Variants in UGT1A7 observed in about 807,000 individuals in gnomAD.
UGT1A7 encodes the protein UDP glucuronosyltransferase family 1 member A7.
In UGT1A7, 33 loss-of-function variants were observed where a neutral mutation model predicts 45.6. The ratio of observed to expected loss-of-function variants is 0.72; its 90% CI spans 0.55 to 0.97. The LOEUF (loss-of-function observed/expected upper bound fraction) is 0.97, where lower values mean the gene tolerates loss of function less well. Ranked by LOEUF, UGT1A7 falls within the 50% of genes least tolerant of loss-of-function variation. The pLI is 0.00. For synonymous variants in UGT1A7, 274 were observed against 250.6 expected, an observed-to-expected ratio of 1.09 and a Z score of -0.88; for missense variants, 684 against 666.2, an observed-to-expected ratio of 1.03 and a Z score of -0.29.
chr2:233,713,117 CA>C (rs1395487296), intron 1 of UGT1A7: 4 of 1,614,102 alleles, frequency 2.5e-6, no homozygotes, highest in Non-Finnish European at 3.4e-6. Context: ...GCCACTGGCT[CA>C]GCATGCGGGA....
chr2:233,739,861 AT>A (rs1559383666), intron 1 of UGT1A7, among the ~76,000 whole-genome samples: 1 of 151,974 alleles, frequency 6.6e-6, no homozygotes, highest in African/African-American at 2.4e-5. Context: ...AGAGGGCAGA[AT>A]GATATGATTT....
At chr2:233,712,897 T>C in intron 1 of UGT1A7, 1 of 1,607,966 alleles carries the variant, frequency 6.2e-7, no homozygotes, top group Non-Finnish European at 8.5e-7. Context: ...GTTGATTTGC[T>C]AGGTGTCTCA....
intron 1 of UGT1A7, chr2:233,729,592 C>A (rs1253832448): frequency 6.2e-7 from 1 of 1,613,966 alleles, no homozygotes; most frequent in African/African-American, 1.3e-5. Flanking sequence ...CCCCGTTAAC[C>A]TCTGCGCGGC....
chr2:233,758,976 C>A (rs1219647743), intron 1 of UGT1A7, among the ~76,000 whole-genome samples: 1 of 152,198 alleles, frequency 6.6e-6, no homozygotes, highest in Non-Finnish European at 1.5e-5. Flanking sequence ...TCCCCTGGAT[C>A]TTGGGCCAGT....
chr2:233,729,632 C>T, intron 1 of UGT1A7: 1 of 1,613,894 alleles, frequency 6.2e-7, no homozygotes, highest in Non-Finnish European at 8.5e-7. Flanking sequence ...TCGATTCCTA[C>T]TGTGTTTTTT....
chr2:233,768,895 A>G (rs962281870), intron 4 of UGT1A7, among the ~76,000 whole-genome samples: 6 of 152,074 alleles, frequency 3.9e-5, no homozygotes, highest in African/African-American at 1.4e-4. Context: ...GGATTTATAA[A>G]TAAGATAATT....
At chr2:233,757,676 T>G (rs986940319) in intron 1 of UGT1A7, among the ~76,000 whole-genome samples, 1 of 151,088 alleles carries the variant, frequency 6.6e-6, no homozygotes, top group African/African-American at 2.4e-5. Flanking sequence ...ATTCAAGGAA[T>G]TCAAGGGATT....
intron 1 of UGT1A7, chr2:233,747,421 AAC>A: frequency 1.9e-6 from 3 of 1,607,992 alleles, no homozygotes; most frequent in Non-Finnish European, 2.6e-6. Flanking sequence ...ATGCACATCA[AAC>A]AAGAGAAATT....
chr2:233,737,106 C>A (rs1413707543), intron 1 of UGT1A7, among the ~76,000 whole-genome samples: 1 of 152,198 alleles, frequency 6.6e-6, no homozygotes, highest in African/African-American at 2.4e-5. Flanking sequence ...TCTGCTGTTC[C>A]CCACATGTTC....
At position 233,757,547 on chromosome 2, in the gene UGT1A7, T is replaced by TAC. The variant is rs1452370067; in HGVS notation, c.856-9486_856-9485insCA. Among the ~76,000 whole-genome samples, 65 of 133,940 alleles carry TAC rather than the reference T, an allele frequency of 4.9e-4. 6 individuals carry two copies. The highest frequency in any genetic ancestry group is 6.5e-4 in the Admixed American group (9 of 13,854). The allele number at this position is 133,940 out of a possible 152,430, so 87.9% of individuals were successfully genotyped here. On this transcript the variant is annotated intron_variant, in intron 1 of 4. Coordinates refer to ENST00000373426, the MANE Select transcript of UGT1A7 (RefSeq NM_019077.3). Reference sequence around the variant, plus strand: ...CTTGCCTGTAAGGAATATATATATATATATATATATATATGTATATATGAT... The same window carrying TAC: ...CTTGCCTGTAAGGAATATATATATATACATATATATATATATGTATATATGAT...
chr2:233,682,762 C>A lies in UGT1A7; in HGVS notation c.825C>A (p.Ile275=), dbSNP rs760728918. ...CCAATATGATCTTCATTGGTGGTATCAACTGTCATCAGGGAAAGCCAGTGC... is the reference window on the plus strand; with the variant it reads ...CCAATATGATCTTCATTGGTGGTATAAACTGTCATCAGGGAAAGCCAGTGC... The part of the protein sequence containing the change: ...VMPNMIFIGG[I]NCHQGKPVPM... The change falls in exon 1 of 5, where the codon ATC becomes ATA. Residue 275 remains isoleucine, a synonymous_variant. Transcript: ENST00000373426. 1 of 1,613,690 alleles carries A rather than the reference C, an allele frequency of 6.2e-7. No individual in the cohort carries two copies. The highest frequency in any genetic ancestry group is 8.5e-7 in the Non-Finnish European group (1 of 1,179,660).
rs1170923656 is a variant in UGT1A7 at position 233,772,696 on chromosome 2, T to TA, written c.*143dup. The TA allele has an allele frequency of 2.8e-5, 41 of 1,482,484 alleles. No individual in the cohort carries two copies. The highest frequency in any genetic ancestry group is 3.6e-5 in the Non-Finnish European group (41 of 1,123,730). The allele number at this position is 1,482,484 out of a possible 1,614,324, so 91.8% of individuals were successfully genotyped here. ...TAAATTAATCAGCCCCAGAGTGCTT[T>TA]AAAAAATTCTCTTAAATAAAAATAA... On this transcript the variant is annotated 3_prime_UTR_variant, in exon 5 of 5. Transcript: ENST00000373426.
intron 1 of UGT1A7, among the ~76,000 whole-genome samples, chr2:233,701,445 A>G (rs2075628639): frequency 6.6e-6 from 1 of 152,168 alleles, no homozygotes; most frequent in Admixed American, 6.5e-5. Flanking sequence ...CGAGACAGAA[A>G]GTTAACAAGG....
intron 2 of UGT1A7, among the ~76,000 whole-genome samples, 162 bp from the exon 3 acceptor site, chr2:233,767,687 C>A (rs1297182892): frequency 6.6e-6 from 1 of 152,176 alleles, no homozygotes; most frequent in Non-Finnish European, 1.5e-5. Flanking sequence ...AAACAAGATG[C>A]CGGAAGTTGC....
chr2:233,705,942 A>T (rs1310148343), intron 1 of UGT1A7, among the ~76,000 whole-genome samples: 1 of 152,156 alleles, frequency 6.6e-6, no homozygotes, highest in African/African-American at 2.4e-5. Context: ...ACAAAAAATT[A>T]GCTGGGTGTG....
chr2:233,747,103 T>A, intron 1 of UGT1A7: 1 of 1,362,910 alleles, frequency 7.3e-7, no homozygotes, highest in Non-Finnish European at 1.0e-6. Flanking sequence ...TATCTTCCAA[T>A]TACATGATGA....
chr2:233,730,006 G>A (rs1262951640), intron 1 of UGT1A7: 11 of 1,613,746 alleles, frequency 6.8e-6, no homozygotes, highest in Non-Finnish European at 9.3e-6. Context: ...CTGTATTGGT[G>A]CCTTCATCCA....
At chr2:233,755,000 G>A (rs1457245121) in intron 1 of UGT1A7, 1 of 1,292,978 alleles carries the variant, frequency 7.7e-7, no homozygotes, top group Non-Finnish European at 1.0e-6. Flanking sequence ...GGAAGCTGAA[G>A]ACCTACTCGA....
intron 1 of UGT1A7, among the ~76,000 whole-genome samples, chr2:233,746,833 TG>T (rs1311657706): frequency 6.6e-6 from 1 of 151,788 alleles, no homozygotes; most frequent in Non-Finnish European, 1.5e-5. Context: ...CTACCACTGT[TG>T]GGGACCTCTC....
Sources: gnomAD v4.1 joint callset for allele counts (sites outside exome capture counted in the v4.1 genomes callset) on GRCh38, gnomAD v4.1.1 for gene constraint, MANE v1.5 for transcripts, NCBI Gene and HGNC (gene_info 2026-07-23, HGNC 2026-07-21) for gene names.